The following SLC4A1 variants were observed in gnomAD, a reference collection of about 807,000 sequenced individuals.
The protein encoded by SLC4A1 is solute carrier family 4 member 1 (Diego blood group).
In SLC4A1, 29 loss-of-function variants were observed where a neutral mutation model predicts 93.1. That is an observed-to-expected ratio of 0.31 (90% CI 0.23 to 0.42). The LOEUF is 0.42. Ranked by LOEUF, SLC4A1 falls within the 20% of genes least tolerant of loss-of-function variation. The pLI is 1.00. For synonymous variants in SLC4A1, 469 were observed against 497.2 expected (o/e 0.94, Z 0.76); for missense variants, 965 against 1,190.1 (o/e 0.81, Z 2.78).
intron 15 of SLC4A1, 60 bp from the exon 16 acceptor site, chr17:44,254,722 C>T (rs1202907682): frequency 6.5e-7 from 1 of 1,532,646 alleles, no homozygotes; most frequent in Non-Finnish European, 9.0e-7. Flanking sequence ...AGGGTGGGAG[C>T]AGGAGGAGCC....
rs1205826686 is a variant in SLC4A1, at chr17:44,251,140, G to C, written c.2655+19C>G. The C allele has an allele frequency of 1.3e-6, 2 of 1,580,410 alleles. No homozygotes were observed. The highest frequency in any genetic ancestry group is 2.7e-5 in the African/African-American group (2 of 74,162). On this transcript the variant is annotated intron_variant, in intron 19 of 19. Transcript: ENST00000262418. ...GCATGCTCCCAGCTCTTGTGCCCCA[G>C]GCCCAGGCAGCCACTCACACACTGA... is the stretch of plus-strand genomic sequence containing the variant.
At chr17:44,260,327 G>A (rs2047431528) in intron 6 of SLC4A1, 77 bp downstream of exon 6, 3 of 1,551,714 alleles carry the variant, frequency 1.9e-6, no homozygotes, top group Middle Eastern at 2.0e-4. Flanking sequence ...CTGGATCCCG[G>A]GGGAGAACTT....
At chr17:44,263,710 CTT>C (rs2047468318) in intron 1 of SLC4A1, among the ~76,000 whole-genome samples, 1 of 4,094 alleles carries the variant, frequency 2.4e-4, no homozygotes, top group Non-Finnish European at 1.1e-3. Flanking sequence ...CCCTTCCCTC[CTT>C]CCTTCCTTCC....
chr17:44,257,669 G>T lies in SLC4A1; in HGVS notation c.1421C>A (p.Ala474Asp). 1 of 1,613,774 alleles carries T rather than the reference G, an allele frequency of 6.2e-7. No individual in the cohort carries two copies. Residue 474 changes from alanine to aspartate, a missense_variant, in exon 12 of 20, where the codon GCC becomes GAC. Coordinates refer to ENST00000262418, the MANE Select transcript of SLC4A1 (RefSeq NM_000342.4). ...CAAGGACAGAACTACCGAGAAGAAG[G>T]CTTCCTCAAACACCAGCAGGGGTCC... is the stretch of plus-strand genomic sequence containing the variant. ...FSGPLLVFEE[A>D]FFSFCETNGL... is the part of the protein sequence containing the mutation.
rs935461658 is a variant in SLC4A1 at position 44,253,426 on chromosome 17, C to G, written c.2058-55G>C. On this transcript the variant is annotated intron_variant, in intron 16 of 19. Coordinates refer to ENST00000262418, the MANE Select transcript of SLC4A1 (RefSeq NM_000342.4). ...GGGTTCTCCCCTGCCTCCTCCACCC[C>G]CTCCTTCCTTCTCCATACTTGGTGT... The G allele has an allele frequency of 7.6e-6, 12 of 1,573,702 alleles. No homozygotes were observed. The East Asian group carries it at 1.1e-4, about 15-fold the overall frequency.
rs1195614552 is a variant in SLC4A1, at chr17:44,249,100, G to T, written c.*1358C>A. On this transcript the variant is annotated 3_prime_UTR_variant, in exon 20 of 20. Transcript: ENST00000262418. ...TGGTCTCAAACTCCTGACCTCAAATGATCCGCCCAACTTGGCCTCCCAAAG... is the reference window on the plus strand; with the variant it reads ...TGGTCTCAAACTCCTGACCTCAAATTATCCGCCCAACTTGGCCTCCCAAAG... 9 of 438,958 alleles carry T rather than the reference G, an allele frequency of 2.1e-5. No homozygotes were observed. The highest frequency in any genetic ancestry group is 3.6e-5 in the Non-Finnish European group (8 of 220,590). The allele number at this position is 438,958 out of a possible 1,614,324, so 27.2% of individuals were successfully genotyped here.
intron 7 of SLC4A1, 87 bp downstream of exon 7, chr17:44,259,722 T>C: frequency 6.3e-7 from 1 of 1,598,348 alleles, no homozygotes; most frequent in Non-Finnish European, 8.6e-7. Context: ...CTGCTTGTGG[T>C]CGGTTTTTCA....
At position 44,251,470 on chromosome 17, in the gene SLC4A1, C is replaced by T; in HGVS notation, c.2430G>A (p.Leu810=). The change falls in exon 18 of 20, where the codon TTG becomes TTA. Residue 810 remains leucine (L), a synonymous_variant. Transcript: ENST00000262418. ...GATACTTGGGTGGCTTGAACAGAAGCAAGATGCGGTCAAAGAGCTGGATGC... is the reference window on the plus strand; with the variant it reads ...GATACTTGGGTGGCTTGAACAGAAGTAAGATGCGGTCAAAGAGCTGGATGC... ...LSGIQLFDRI[L]LLFKPPKYHP... is the part of the protein sequence containing the mutation. 6.2e-7 allele frequency: 1 copy of T among 1,614,218 alleles called. No homozygotes were observed. Among genetic ancestry groups the T allele is most frequent in the South Asian group, 1.1e-5 (1 of 91,086 alleles).
chr17:44,259,193 G>A lies in SLC4A1; in HGVS notation c.846C>T (p.Gly282=), dbSNP rs1399970291. The A allele has an allele frequency of 1.9e-6, 3 of 1,613,904 alleles. No individual in the cohort carries two copies. The highest frequency in any genetic ancestry group is 4.5e-5 in the East Asian group (2 of 44,896). The stretch of plus-strand genomic sequence containing the variant: ...CTGACATGAGGGTGGCAGCAGCCCG[G>A]CCAAGCTGGGTGTAATCGATGTGGG... The part of the protein sequence containing the change: ...EAPHIDYTQL[G]RAAATLMSER... Residue 282 remains glycine (G), a synonymous_variant, in exon 9 of 20, where the codon GGC becomes GGT. Transcript: ENST00000262418.
At position 44,252,321 on chromosome 17, in the gene SLC4A1, A is replaced by AC. The variant is rs1055633177; in HGVS notation, c.2312-734dup. The stretch of plus-strand genomic sequence containing the variant: ...GCTGGGATTACAGGCGTGAGCCACA[A>AC]CCCCCGGCCTCTATCGGTCCTTTTT... On this transcript the variant is annotated intron_variant, in intron 17 of 19. Transcript: ENST00000262418. Among the ~76,000 whole-genome samples, 12 of 151,640 alleles carry AC rather than the reference A, an allele frequency of 7.9e-5. No homozygotes were observed. In the East Asian group the frequency reaches 1.9e-3, roughly 24 times the overall value.
chr17:44,255,633 G>T (rs946309097), intron 14 of SLC4A1, 40 bp downstream of exon 14: 9 of 1,600,696 alleles, frequency 5.6e-6, no homozygotes, highest in Non-Finnish European at 7.7e-6. Flanking sequence ...GGCTGGGATA[G>T]GGCAGTGTTG....
At chr17:44,257,213 A>C in intron 13 of SLC4A1, 137 bp downstream of exon 13, 1 of 816,374 alleles carries the variant, frequency 1.2e-6, no homozygotes, top group African/African-American at 1.7e-5. Flanking sequence ...GCTGGTCTTG[A>C]ACTCCTGATC....
rs144835638 is a variant in SLC4A1, at chr17:44,259,274, C to T, written c.765G>A (p.Ala255=). Reference sequence around the variant, plus strand: ...AGCGTATAGGCACCGGCAGCTCCACCGCCTCCAGCTCCGCTGCCTCCTGCA... The same window carrying T: ...AGCGTATAGGCACCGGCAGCTCCACTGCCTCCAGCTCCGCTGCCTCCTGCA... ...VRLQEAAELE[A]VELPVPIRFL... is the part of the protein sequence containing the mutation. The change falls in exon 9 of 20, where the codon GCG becomes GCA. Residue 255 remains alanine, a synonymous_variant. Transcript: ENST00000262418. 64 of 1,613,836 alleles carry T rather than the reference C, an allele frequency of 4.0e-5. No homozygotes were observed. Among genetic ancestry groups the T allele is most frequent in the Non-Finnish European group, 4.9e-5 (58 of 1,180,044 alleles).
rs1407517323 is a variant in SLC4A1 at position 44,249,034 on chromosome 17, G to C, written c.*1424C>G. The C allele has an allele frequency of 8.6e-6, 3 of 347,874 alleles. No individual in the cohort carries two copies. The highest frequency in any genetic ancestry group is 6.3e-5 in the South Asian group (3 of 47,392). 21.5% of individuals were successfully genotyped at this position (347,874 alleles called of 1,614,324 possible). A position where few individuals can be genotyped will look rare whatever the true frequency, so the allele number is the denominator to read the frequency against. ...GCCACGAGACACCCAGCTAATTTTT[G>C]TATTTTTAGTAGTAACGGGGTTTCA... On this transcript the variant is annotated 3_prime_UTR_variant, in exon 20 of 20. Coordinates refer to ENST00000262418, the MANE Select transcript of SLC4A1 (RefSeq NM_000342.4).
chr17:44,257,825 A>G lies in SLC4A1; in HGVS notation c.1283-18T>C. 1 of 1,613,280 alleles carries G rather than the reference A, an allele frequency of 6.2e-7. No homozygotes were observed. The stretch of plus-strand genomic sequence containing the variant: ...CTTTTCTCCTGTGGGTAGAGGTCAC[A>G]GTGGGATCAAGGTCAGGAGATCATT... On this transcript the variant is annotated intron_variant, in intron 11 of 19. Transcript: ENST00000262418.
chr17:44,265,595 T>C (rs1265820557), intron 1 of SLC4A1, among the ~76,000 whole-genome samples: 2 of 151,828 alleles, frequency 1.3e-5, no homozygotes, highest in African/African-American at 2.4e-5. Flanking sequence ...ATGGTCTCAA[T>C]CTCCTGACCT....
intron 3 of SLC4A1, 42 bp from the exon 4 acceptor site, chr17:44,261,678 C>A (rs370286963): frequency 9.3e-6 from 15 of 1,613,836 alleles, no homozygotes; most frequent in East Asian, 2.2e-5. Flanking sequence ...GACCGTCCCC[C>A]ACCTGAGGCT....
chr17:44,261,742 T>A, intron 3 of SLC4A1, 106 bp from the exon 4 acceptor site: 1 of 1,589,224 alleles, frequency 6.3e-7, no homozygotes, highest in African/African-American at 1.4e-5. Context: ...ATGCCCCTCC[T>A]TCCCAGTGCC....
intron 14 of SLC4A1, 88 bp downstream of exon 14, chr17:44,255,585 G>C: frequency 7.5e-7 from 1 of 1,338,860 alleles, no homozygotes; most frequent in Non-Finnish European, 1.1e-6. Flanking sequence ...AAGAAGGGAA[G>C]CTAAGGGCAC....
Sources: gnomAD v4.1 joint callset for allele counts (sites outside exome capture counted in the v4.1 genomes callset) on GRCh38, gnomAD v4.1.1 for gene constraint, MANE v1.5 for transcripts, NCBI Gene and HGNC (gene_info 2026-07-23, HGNC 2026-07-21) for gene names.